SHROOM3: variants seen among roughly 807,000 people sequenced by gnomAD.
SHROOM3 encodes shroom family member 3, also known as protein Shroom3.
A neutral mutation model predicts 138.6 loss-of-function variants in SHROOM3; 47 were observed. The observed-to-expected ratio is 0.34, with a 90% CI of 0.27 to 0.43. The LOEUF (loss-of-function observed/expected upper bound fraction) is 0.43, where lower values mean the gene tolerates loss of function less well. Ranked by LOEUF, SHROOM3 falls within the 20% of genes least tolerant of loss-of-function variation. SHROOM3 has a pLI of 1.00. For missense variants in SHROOM3, 2,491 were observed against 2,596.5 expected, an observed-to-expected ratio of 0.96 and a Z score of 0.88; for synonymous variants, 1,062 against 1,063.3, an observed-to-expected ratio of 1.00 and a Z score of 0.02.
chr4:76,713,962 A>G (rs1408718860), intron 3 of SHROOM3, among the ~76,000 whole-genome samples: 1 of 152,200 alleles, frequency 6.6e-6, no homozygotes, highest in Non-Finnish European at 1.5e-5. Flanking sequence ...CTAGGAAATC[A>G]GAGTCATTCT....
intron 1 of SHROOM3, among the ~76,000 whole-genome samples, chr4:76,547,513 A>G (rs1733248091): frequency 6.6e-6 from 1 of 152,224 alleles, no homozygotes; most frequent in Non-Finnish European, 1.5e-5. Flanking sequence ...GGGCACTGCT[A>G]TGTGCTCCAT....
chr4:76,541,236 C>T (rs1384644301), intron 1 of SHROOM3, among the ~76,000 whole-genome samples: 1 of 152,054 alleles, frequency 6.6e-6, no homozygotes, highest in Non-Finnish European at 1.5e-5. Flanking sequence ...AAGATTATGA[C>T]TTAAACATAA....
intron 1 of SHROOM3, among the ~76,000 whole-genome samples, chr4:76,513,897 A>T (rs1732391570): frequency 6.6e-6 from 1 of 152,126 alleles, no homozygotes; most frequent in Non-Finnish European, 1.5e-5. Flanking sequence ...TTAACTTATC[A>T]CTTAAAATGT....
At chr4:76,703,058 G>A (rs1204080003) in intron 2 of SHROOM3, among the ~76,000 whole-genome samples, 2 of 152,100 alleles carry the variant, frequency 1.3e-5, no homozygotes, top group Non-Finnish European at 2.9e-5. Flanking sequence ...GGGAAATCAA[G>A]TGAAAAAAAG....
intron 2 of SHROOM3, among the ~76,000 whole-genome samples, chr4:76,614,836 A>G (rs1217820829): frequency 6.6e-6 from 1 of 152,232 alleles, no homozygotes; most frequent in Non-Finnish European, 1.5e-5. Context: ...GTCAAATGCC[A>G]TTTGCAGATG....
chr4:76,646,227 T>TAAATAAATAAATATATAG (rs1414512165), intron 2 of SHROOM3, among the ~76,000 whole-genome samples: 1 of 130,544 alleles, frequency 7.7e-6, no homozygotes, highest in Non-Finnish European at 1.6e-5. Flanking sequence ...AATAAATAAA[T>TAAATAAATAAATATATAG]ATATATATAT....
intron 2 of SHROOM3, among the ~76,000 whole-genome samples, chr4:76,706,547 G>A (rs1436033737): frequency 6.6e-6 from 1 of 152,152 alleles, no homozygotes; most frequent in Non-Finnish European, 1.5e-5. Context: ...AGGAGTAAGA[G>A]GATGGGTTGG....
At position 76,611,494 on chromosome 4, in the gene SHROOM3, G is replaced by A. The variant is rs892000950; in HGVS notation, c.323+55731G>A. On this transcript the variant is annotated intron_variant, in intron 2 of 10. Transcript: ENST00000296043. ...GTCAATTTAGCAAAAGTGAGAAAAC[G>A]GTGGGGTGATAGGAAGTCATTCCTG... Among the ~76,000 whole-genome samples the A allele has an allele frequency of 6.6e-5, 10 of 152,134 alleles. No individual in the cohort carries two copies. The South Asian group carries it at 1.5e-3, about 22-fold the overall frequency.
chr4:76,570,526 G>A (rs1733814285), intron 2 of SHROOM3, among the ~76,000 whole-genome samples: 1 of 152,098 alleles, frequency 6.6e-6, no homozygotes, highest in African/African-American at 2.4e-5. Flanking sequence ...CAAAGTCAGG[G>A]GCAGAGGTCA....
intron 1 of SHROOM3, among the ~76,000 whole-genome samples, chr4:76,486,967 T>C (rs1731744915): frequency 6.6e-6 from 1 of 152,162 alleles, no homozygotes; most frequent in Admixed American, 6.5e-5. Context: ...CACCTGCCTA[T>C]AGTATACAAT....
At chr4:76,631,583 A>G (rs748534384) in intron 2 of SHROOM3, among the ~76,000 whole-genome samples, 44 of 152,148 alleles carry the variant, frequency 2.9e-4, no homozygotes, top group Non-Finnish European at 5.9e-4. Context: ...GGGCTATTCC[A>G]GGCAGAGAGA....
chr4:76,574,177 T>C (rs753722750), intron 2 of SHROOM3, among the ~76,000 whole-genome samples: 3 of 152,192 alleles, frequency 2.0e-5, no homozygotes, highest in Non-Finnish European at 4.4e-5. Flanking sequence ...TTTCTCACTA[T>C]TTCTCACTCT....
intron 8 of SHROOM3, chr4:76,757,218 T>C (rs1200208943): frequency 2.6e-6 from 1 of 391,202 alleles, no homozygotes; most frequent in African/African-American, 2.0e-5. Context: ...ATATCAACAT[T>C]ATTTAATTTT....
intron 10 of SHROOM3, 39 bp downstream of exon 10, chr4:76,770,937 C>T: frequency 6.2e-7 from 1 of 1,613,070 alleles, no homozygotes; most frequent in African/African-American, 1.3e-5. Flanking sequence ...AGTTCTCCCT[C>T]AAAGCCCACA....
chr4:76,473,935 TA>T (rs1326674163), intron 1 of SHROOM3, among the ~76,000 whole-genome samples: 2 of 152,132 alleles, frequency 1.3e-5, no homozygotes, highest in Admixed American at 1.3e-4. Context: ...AACATAGAAT[TA>T]CCATGTGTCC....
intron 2 of SHROOM3, among the ~76,000 whole-genome samples, chr4:76,673,869 T>C (rs1355288025): frequency 3.3e-5 from 5 of 152,168 alleles, no homozygotes; most frequent in Non-Finnish European, 5.9e-5. Context: ...GTTTTAAAAA[T>C]ATTTATTTAT....
At chr4:76,591,196 T>C (rs1274929082) in intron 2 of SHROOM3, among the ~76,000 whole-genome samples, 1 of 152,206 alleles carries the variant, frequency 6.6e-6, no homozygotes, top group African/African-American at 2.4e-5. Flanking sequence ...CTGTTCCGCA[T>C]TGTACCCCTT....
intron 2 of SHROOM3, among the ~76,000 whole-genome samples, chr4:76,623,370 G>C (rs953968599): frequency 3.3e-5 from 5 of 152,188 alleles, no homozygotes; most frequent in African/African-American, 1.2e-4. Flanking sequence ...CCATAAGCAT[G>C]AGTCAAATTG....
intron 1 of SHROOM3, among the ~76,000 whole-genome samples, chr4:76,529,021 G>A (rs550202510): frequency 2.0e-4 from 30 of 152,270 alleles, no homozygotes; most frequent in East Asian, 7.7e-4. Context: ...GCCATCTGCC[G>A]CTGATGTTCA....
Sources: allele counts gnomAD v4.1 joint callset (sites outside exome capture counted in the v4.1 genomes callset), GRCh38; gene constraint gnomAD v4.1.1; transcripts MANE v1.5; gene names NCBI Gene and HGNC (gene_info 2026-07-23, HGNC 2026-07-21).